Variants in SMG1 observed in about 807,000 individuals in gnomAD.
The protein encoded by SMG1 is SMG1 nonsense mediated mRNA decay associated PI3K related kinase.
A neutral mutation model predicts 419.9 loss-of-function variants in SMG1; 22 were observed. That is an observed-to-expected ratio of 0.05 (90% CI 0.04 to 0.07). The LOEUF (loss-of-function observed/expected upper bound fraction) is 0.07, where lower values mean the gene tolerates loss of function less well. Ranked by LOEUF, SMG1 falls within the 10% of genes least tolerant of loss-of-function variation. SMG1 has a pLI of 1.00. For missense variants in SMG1, 3,185 were observed against 4,342.0 expected, an observed-to-expected ratio of 0.73 and a Z score of 7.49; for synonymous variants, 1,538 against 1,553.5, an observed-to-expected ratio of 0.99 and a Z score of 0.23.
Position 18,879,478 on chromosome 16 carries a change from A to G in SMG1, c.1518+17T>C. 1 of 744,624 alleles carries G rather than the reference A, an allele frequency of 1.3e-6. No homozygotes were observed. The highest frequency in any genetic ancestry group is 1.5e-5 in the South Asian group (1 of 65,574). The allele number at this position is 744,624 out of a possible 1,614,324, so 46.1% of individuals were successfully genotyped here. On this transcript the variant is annotated intron_variant, in intron 11 of 62. Transcript: ENST00000446231. Reference sequence around the variant, plus strand: ...AATAAACCAACACATTAAAAAGGAAAAGAATAATTCACATACCAGCGTGAG... The same window carrying G: ...AATAAACCAACACATTAAAAAGGAAGAGAATAATTCACATACCAGCGTGAG...
At chr16:18,847,730 G>A in intron 37 of SMG1, 86 bp downstream of exon 37, 3 of 1,565,702 alleles carry the variant, frequency 1.9e-6, no homozygotes, top group Non-Finnish European at 1.7e-6. Context: ...GGAGAACCCT[G>A]ACCAGTGATT....
intron 1 of SMG1, among the ~76,000 whole-genome samples, chr16:18,924,190 A>C (rs1053900697): frequency 3.3e-5 from 5 of 152,180 alleles, no homozygotes; most frequent in Admixed American, 2.0e-4. Flanking sequence ...CCCCAGAGCC[A>C]AGAAATAAAG....
chr16:18,812,283 A>AC (rs1329804473), intron 60 of SMG1, 156 bp from the exon 61 acceptor site: 1 of 691,956 alleles, frequency 1.4e-6, no homozygotes, highest in East Asian at 3.0e-5. Context: ...CTTCCTAAAA[A>AC]TGTAGCCTAA....
rs746321643 is a variant in SMG1 at position 18,896,881 on chromosome 16, A to G, written c.168T>C (p.Tyr56=). 2.7e-5 allele frequency: 44 copies of G among 1,608,442 alleles called. No homozygotes were observed. Among genetic ancestry groups the G allele is most frequent in the South Asian group, 7.7e-5 (7 of 90,484 alleles). Reference sequence around the variant, plus strand: ...CAGCTGAATTTGAAGGTTGCAGTCCATAAGAGGAAGAACCACCTCTATCTC... The same window carrying G: ...CAGCTGAATTTGAAGGTTGCAGTCCGTAAGAGGAAGAACCACCTCTATCTC... ...SSRDRGGSSS[Y]GLQPSNSAVV... The change falls in exon 2 of 63, where the codon TAT becomes TAC. Residue 56 remains tyrosine (Y), a synonymous_variant. Transcript: ENST00000446231.
rs1567322152 is a variant in SMG1, at chr16:18,821,233, T to TC, written c.9742-1580_9742-1579insG. 1.1e-4 allele frequency among the ~76,000 whole-genome samples: 4 copies of TC among 37,506 alleles called. 1 individual carries two copies. Among genetic ancestry groups the TC allele is most frequent in the African/African-American group, 3.3e-4 (4 of 11,976 alleles). 24.6% of individuals were successfully genotyped at this position (37,506 alleles called of 152,430 possible). On this transcript the variant is annotated intron_variant, in intron 55 of 62. Transcript: ENST00000446231. Reference sequence around the variant, plus strand: ...ATTTAGTATGTTTCTTTTTTTTTTTTTTTTTTTCTTTTTTTTTTCTTTTTT... The same window carrying TC: ...ATTTAGTATGTTTCTTTTTTTTTTTTCTTTTTTTCTTTTTTTTTTCTTTTTT...
chr16:18,892,179 A>G (rs1368666690), intron 4 of SMG1, 39 bp downstream of exon 4: 22 of 1,371,834 alleles, frequency 1.6e-5, no homozygotes, highest in Non-Finnish European at 2.0e-5. Flanking sequence ...TATTATGGAA[A>G]CACAAAAATC....
intron 1 of SMG1, among the ~76,000 whole-genome samples, chr16:18,902,136 T>G (rs902422025): frequency 2.6e-5 from 4 of 152,006 alleles, no homozygotes; most frequent in Admixed American, 1.3e-4. Context: ...AGTAAAAACT[T>G]TGGACATAAA....
intron 8 of SMG1, among the ~76,000 whole-genome samples, chr16:18,884,523 A>G (rs2036538716): frequency 6.6e-6 from 1 of 152,216 alleles, no homozygotes; most frequent in Non-Finnish European, 1.5e-5. Context: ...TTAAAGGTGT[A>G]TACTCATCTC....
At chr16:18,896,735 G>A in intron 2 of SMG1, 58 bp downstream of exon 2, 3 of 1,338,450 alleles carry the variant, frequency 2.2e-6, no homozygotes, top group Admixed American at 1.8e-5. Flanking sequence ...AAGAAGGCAG[G>A]AAGGTGAGAC....
intron 13 of SMG1, among the ~76,000 whole-genome samples, chr16:18,874,441 C>CA (rs1169165233): frequency 2.0e-5 from 3 of 151,282 alleles, no homozygotes; most frequent in African/African-American, 7.3e-5. Flanking sequence ...GCCCAGCCCA[C>CA]ACCTATTACT....
chr16:18,816,561 G>GT (rs1567314573), intron 57 of SMG1, 32 bp from the exon 58 acceptor site: 1 of 1,568,056 alleles, frequency 6.4e-7, no homozygotes, highest in South Asian at 1.1e-5. Context: ...TTGACTTCGA[G>GT]TATCAGCTGA....
chr16:18,856,991 C>T (rs1220833312), intron 29 of SMG1: 1 of 152,036 alleles, frequency 6.6e-6, no homozygotes, highest in Non-Finnish European at 1.5e-5. Flanking sequence ...ATAATCCTTA[C>T]AAGTATCTCA....
At chr16:18,885,752 T>A in intron 6 of SMG1, 86 bp from the exon 7 acceptor site, 1 of 1,253,886 alleles carries the variant, frequency 8.0e-7, no homozygotes, top group Non-Finnish European at 1.1e-6. Context: ...ACTGACTACA[T>A]AAAAAACTGA....
intron 20 of SMG1, 75 bp downstream of exon 20, chr16:18,869,029 A>G: frequency 7.6e-7 from 1 of 1,308,006 alleles, no homozygotes; most frequent in East Asian, 2.3e-5. Context: ...TCAAATCTTT[A>G]ACAAAGATTT....
chr16:18,909,691 T>C (rs2037716816), intron 1 of SMG1, among the ~76,000 whole-genome samples: 1 of 152,256 alleles, frequency 6.6e-6, no homozygotes. Context: ...CCTTTCAAGA[T>C]AATCACACTA....
rs570998254 is a variant in SMG1, at chr16:18,838,239, T to A, written c.7195-7A>T. ...GCCGCATAATGTGTAAAACCTGTTT[T>A]CAGGAGAGTTTTTAAAATAAGGTCT... On this transcript the variant is annotated splice_region_variant and splice_polypyrimidine_tract_variant and intron_variant, in intron 44 of 62. Coordinates refer to ENST00000446231, the MANE Select transcript of SMG1 (RefSeq NM_015092.5). 1 of 1,609,390 alleles carries A rather than the reference T, an allele frequency of 6.2e-7. No individual in the cohort carries two copies. Among genetic ancestry groups the A allele is most frequent in the Admixed American group, 1.7e-5 (1 of 58,974 alleles).
At chr16:18,844,662 T>C (rs2141329127) in intron 39 of SMG1, among the ~76,000 whole-genome samples, 1 of 151,504 alleles carries the variant, frequency 6.6e-6, no homozygotes, top group African/African-American at 2.4e-5. Context: ...TCTAGCTATT[T>C]GCTCTGAATT....
Position 18,836,034 on chromosome 16 carries a change from C to T in SMG1, c.7956G>A (p.Pro2652=), listed in dbSNP as rs747172727. ...TTCGATGTTTCTGAAATATGGCCTT[C>T]GGATACTGCAGGGCCACGGTTGCAT... ...HHYATVALQY[P]KAIFQKHRIE... Residue 2652 remains proline (P), a synonymous_variant, in exon 48 of 63, where the codon CCG becomes CCA. Coordinates refer to ENST00000446231, the MANE Select transcript of SMG1 (RefSeq NM_015092.5). 6.3e-6 allele frequency: 10 copies of T among 1,586,240 alleles called. No individual in the cohort carries two copies. The highest frequency in any genetic ancestry group is 2.3e-5 in the East Asian group (1 of 43,492).
intron 1 of SMG1, among the ~76,000 whole-genome samples, chr16:18,915,234 A>G (rs1442786534): frequency 1.3e-5 from 2 of 151,956 alleles, no homozygotes; most frequent in African/African-American, 4.8e-5. Flanking sequence ...CGGCCTCCCA[A>G]ATTGCTGAGA....
Sources: gnomAD v4.1 joint callset for allele counts (sites outside exome capture counted in the v4.1 genomes callset) on GRCh38, gnomAD v4.1.1 for gene constraint, MANE v1.5 for transcripts, NCBI Gene and HGNC (gene_info 2026-07-23, HGNC 2026-07-21) for gene names.